Variants in CSMD1 observed in about 807,000 individuals in gnomAD.
The protein encoded by CSMD1 is CUB and sushi domain-containing protein 1.
In CSMD1, 213 loss-of-function variants were observed where a neutral mutation model predicts 417.5. That is an observed-to-expected ratio of 0.51 (90% confidence interval 0.46 to 0.57). The LOEUF (loss-of-function observed/expected upper bound fraction) is 0.57, where lower values mean the gene tolerates loss of function less well. Among genes scored for constraint, CSMD1 ranks in the 20% least tolerant of loss-of-function variants. The pLI, the probability that CSMD1 is intolerant of heterozygous loss-of-function variation, is 0.00. For missense variants in CSMD1, 6,923 were observed against 4,529.7 expected, an observed-to-expected ratio of 1.53 and a Z score of -15.17; for synonymous variants, 2,862 against 1,736.8, an observed-to-expected ratio of 1.65 and a Z score of -16.11.
intron 3 of CSMD1, among the ~76,000 whole-genome samples, chr8:4,384,488 T>G (rs996419869): frequency 5.3e-5 from 8 of 152,218 alleles, no homozygotes; most frequent in South Asian, 2.1e-4. Context: ...ATCTATGAAT[T>G]TGTTGATCAA....
At chr8:3,059,524 C>G (rs17389597) in intron 49 of CSMD1, among the ~76,000 whole-genome samples, 71,136 of 151,932 alleles carry the variant, frequency 0.47, 17,472 homozygotes, top group Non-Finnish European at 0.55. Flanking sequence ...AGGGGACACA[C>G]GACTCAGGGC....
At chr8:3,261,736 G>A (rs939349448) in intron 26 of CSMD1, among the ~76,000 whole-genome samples, 1 of 152,116 alleles carries the variant, frequency 6.6e-6, no homozygotes, top group Non-Finnish European at 1.5e-5. Context: ...ACTGAATGAA[G>A]AGGCCAGTCC....
At chr8:4,410,153 C>A (rs765188560) in intron 3 of CSMD1, among the ~76,000 whole-genome samples, 9 of 152,156 alleles carry the variant, frequency 5.9e-5, no homozygotes, top group Non-Finnish European at 1.0e-4. Context: ...CTAGGCTAAT[C>A]TAGGCCAAAT....
chr8:3,814,318 C>T (rs1801253005), intron 5 of CSMD1, among the ~76,000 whole-genome samples: 2 of 152,298 alleles, frequency 1.3e-5, no homozygotes, highest in South Asian at 4.1e-4. Flanking sequence ...TCAGTTCCTG[C>T]AAACCAGAGC....
At chr8:4,417,033 G>T (rs796674469) in intron 3 of CSMD1, among the ~76,000 whole-genome samples, 86 of 152,084 alleles carry the variant, frequency 5.7e-4, no homozygotes, top group African/African-American at 2.0e-3. Context: ...TATAGAACTA[G>T]CAAGTAAAAT....
At chr8:3,875,610 G>T (rs187838581) in intron 5 of CSMD1, among the ~76,000 whole-genome samples, 1 of 152,164 alleles carries the variant, frequency 6.6e-6, no homozygotes, top group African/African-American at 2.4e-5. Flanking sequence ...AGGAGGAAGA[G>T]GAGGAGGACC....
chr8:4,800,826 G>A (rs1212564223), intron 1 of CSMD1, among the ~76,000 whole-genome samples: 2 of 152,232 alleles, frequency 1.3e-5, no homozygotes, highest in Non-Finnish European at 2.9e-5. Context: ...AGTGGTGGGT[G>A]CAGGGCACAA....
At chr8:4,875,969 T>G (rs926721004) in intron 1 of CSMD1, among the ~76,000 whole-genome samples, 1 of 152,118 alleles carries the variant, frequency 6.6e-6, no homozygotes, top group African/African-American at 2.4e-5. Context: ...TTTTTCACAT[T>G]TTCTTATGAA....
chr8:3,964,785 A>G (rs1167501312), intron 5 of CSMD1, among the ~76,000 whole-genome samples: 1 of 152,220 alleles, frequency 6.6e-6, no homozygotes, highest in Non-Finnish European at 1.5e-5. Context: ...GTATCCAACA[A>G]TTATTTGCTG....
chr8:3,932,681 T>C (rs2129666531), intron 5 of CSMD1, among the ~76,000 whole-genome samples: 1 of 150,670 alleles, frequency 6.6e-6, no homozygotes, highest in East Asian at 2.0e-4. Context: ...TCCAATAAAC[T>C]CATAAGATCG....
intron 26 of CSMD1, among the ~76,000 whole-genome samples, chr8:3,247,672 T>C (rs1799974691): frequency 6.6e-6 from 1 of 152,048 alleles, no homozygotes; most frequent in Non-Finnish European, 1.5e-5. Flanking sequence ...AGTTCTAAAA[T>C]AGAACTGTGG....
intron 2 of CSMD1, among the ~76,000 whole-genome samples, chr8:4,627,884 G>C (rs929403620): frequency 6.6e-6 from 1 of 152,012 alleles, no homozygotes; most frequent in Non-Finnish European, 1.5e-5. Flanking sequence ...ATACTGTATG[G>C]CAGACACTTC....
At chr8:3,895,614 A>G (rs1807306729) in intron 5 of CSMD1, among the ~76,000 whole-genome samples, 1 of 152,220 alleles carries the variant, frequency 6.6e-6, no homozygotes, top group Non-Finnish European at 1.5e-5. Flanking sequence ...CCATTTAGTA[A>G]AGTCTCAAAA....
At chr8:4,215,911 A>T (rs1055500696) in intron 3 of CSMD1, among the ~76,000 whole-genome samples, 1 of 152,218 alleles carries the variant, frequency 6.6e-6, no homozygotes, top group African/African-American at 2.4e-5. Flanking sequence ...ACAAGAACAA[A>T]GAGAACGTGG....
At chr8:4,078,978 C>G (rs181846449) in intron 3 of CSMD1, among the ~76,000 whole-genome samples, 34 of 145,648 alleles carry the variant, frequency 2.3e-4, no homozygotes, top group African/African-American at 8.3e-4. Flanking sequence ...CACTTTTTCC[C>G]ACAATGTTGC....
At chr8:3,339,801 A>G (rs1008295551) in intron 23 of CSMD1, among the ~76,000 whole-genome samples, 1 of 152,136 alleles carries the variant, frequency 6.6e-6, no homozygotes, top group African/African-American at 2.4e-5. Context: ...AAACAAGTGG[A>G]CACTCATTGT....
rs1457599710 is a variant in CSMD1, at chr8:4,291,598, G to A, written c.415+128355C>T. ...AGCTGAAGCGTAATATTTAATTTCT[G>A]TGGTCATTTTTCTTGTGATATGTTT... On this transcript the variant is annotated intron_variant, in intron 3 of 69. Transcript: ENST00000635120. Among the ~76,000 whole-genome samples, 8 of 152,274 alleles carry A rather than the reference G, an allele frequency of 5.3e-5. No individual in the cohort carries two copies. The East Asian group carries it at 1.5e-3, about 29-fold the overall frequency.
intron 3 of CSMD1, among the ~76,000 whole-genome samples, chr8:4,161,054 G>C (rs561920714): frequency 5.9e-5 from 9 of 151,670 alleles, no homozygotes; most frequent in Admixed American, 3.9e-4. Context: ...AAACTGAGCA[G>C]TCCCAGATTT....
chr8:2,990,906 A>T (rs1332381782), intron 54 of CSMD1, among the ~76,000 whole-genome samples: 1 of 152,198 alleles, frequency 6.6e-6, no homozygotes, highest in Non-Finnish European at 1.5e-5. Context: ...CATCCCAGGG[A>T]AGCGCAGAAC....
Sources: gnomAD v4.1 joint callset for allele counts (sites outside exome capture counted in the v4.1 genomes callset) on GRCh38, gnomAD v4.1.1 for gene constraint, MANE v1.5 for transcripts, NCBI Gene and HGNC (gene_info 2026-07-23, HGNC 2026-07-21) for gene names.